The following RIT1 variants were observed in gnomAD, a reference collection of about 807,000 sequenced individuals.
RIT1 encodes the protein GTP-binding protein Rit1.
In RIT1, 6 loss-of-function variants were observed where a neutral mutation model predicts 25.6. The observed-to-expected ratio is 0.23, with a 90% CI of 0.13 to 0.46. RIT1 has a LOEUF of 0.46. Ranked by LOEUF, RIT1 falls within the 20% of genes least tolerant of loss-of-function variation. The pLI is 0.99. For synonymous variants in RIT1, 81 were observed against 94.1 expected, an observed-to-expected ratio of 0.86 and a Z score of 0.80; for missense variants, 219 against 284.4, an observed-to-expected ratio of 0.77 and a Z score of 1.65.
Position 155,904,518 on chromosome 1 carries a change from G to T in RIT1, c.238-16C>A. On this transcript the variant is annotated splice_polypyrimidine_tract_variant and intron_variant, in intron 4 of 5. Transcript: ENST00000368323. ...TAAACTCTGCCTAGAGGGAAACAAG[G>T]GTCATTATGTATTGACGCAATCTAG... 6.2e-7 allele frequency: 1 copy of T among 1,604,336 alleles called. No homozygotes were observed. The highest frequency in any genetic ancestry group is 8.5e-7 in the Non-Finnish European group (1 of 1,172,172).
In RIT1 at chr1:155,904,554, C is replaced by T. The variant is rs11809798; in HGVS notation, c.238-52G>A. ...ATTGACGCAATCTAGCCCAACTACA[C>T]ACACAATTAGCTATTTCTTTCAGAT... On this transcript the variant is annotated intron_variant, in intron 4 of 5. Coordinates refer to ENST00000368323, the MANE Select transcript of RIT1 (RefSeq NM_006912.6). 11 of 1,490,494 alleles carry T rather than the reference C, an allele frequency of 7.4e-6. No individual in the cohort carries two copies. The African/African-American group carries it at 1.2e-4, about 17-fold the overall frequency. 92.3% of individuals were successfully genotyped at this position (1,490,494 alleles called of 1,614,324 possible).
At chr1:155,900,721 T>C in intron 5 of RIT1, 103 bp from the exon 6 acceptor site, 1 of 913,582 alleles carries the variant, frequency 1.1e-6, no homozygotes, top group Non-Finnish European at 1.7e-6. Flanking sequence ...TTCTCAATTC[T>C]GGAGGTGTTC....
At chr1:155,910,363 CAAAATAT>C in intron 3 of RIT1, 80 bp downstream of exon 3, 3 of 1,207,360 alleles carry the variant, frequency 2.5e-6, no homozygotes. Flanking sequence ...AAAAAAGCCT[CAAAATAT>C]AAATAGTTAG....
chr1:155,899,532 GT>G lies in RIT1; in HGVS notation c.*855del, dbSNP rs1673264779. ...TGAATATAAATGTGTTGGTGTGTGC[GT>G]CTGTGGGGAAAAAATAAACCTGTAC... is the stretch of plus-strand genomic sequence containing the variant. On this transcript the variant is annotated 3_prime_UTR_variant, in exon 6 of 6. Transcript: ENST00000368323. The G allele has an allele frequency of 4.5e-6, 1 of 223,686 alleles. No individual in the cohort carries two copies. Among genetic ancestry groups the G allele is most frequent in the Non-Finnish European group, 8.9e-6 (1 of 111,956 alleles). The allele number at this position is 223,686 out of a possible 1,614,324, so 13.9% of individuals were successfully genotyped here.
chr1:155,899,374 A>T lies in RIT1; in HGVS notation c.*1014T>A, dbSNP rs1410688529. Reference sequence around the variant, plus strand: ...CTGAGTCTAGTGATTGTCCACGTCAAGGAGGCACACACACAATTTTACCCA... The same window carrying T: ...CTGAGTCTAGTGATTGTCCACGTCATGGAGGCACACACACAATTTTACCCA... On this transcript the variant is annotated 3_prime_UTR_variant, in exon 6 of 6. Transcript: ENST00000368323. The T allele has an allele frequency of 8.8e-6, 2 of 226,054 alleles. No individual in the cohort carries two copies. The highest frequency in any genetic ancestry group is 1.3e-4 in the East Asian group (2 of 15,806). 14.0% of individuals were successfully genotyped at this position (226,054 alleles called of 1,614,324 possible).
intron 3 of RIT1, among the ~76,000 whole-genome samples, chr1:155,908,751 T>TG (rs1673509511): frequency 6.6e-6 from 1 of 151,454 alleles, no homozygotes; most frequent in Middle Eastern, 3.4e-3. Context: ...TTAGTAGAGA[T>TG]GGGGTTTCAC....
rs892227210 is a variant in RIT1 at position 155,898,986 on chromosome 1, C to T, written c.*1402G>A. On this transcript the variant is annotated 3_prime_UTR_variant, in exon 6 of 6. Coordinates refer to ENST00000368323, the MANE Select transcript of RIT1 (RefSeq NM_006912.6). The stretch of plus-strand genomic sequence containing the variant: ...AAGAGGTGCTACACAAGTCATCTTA[C>T]GTTTCTAGTCAACACAAACATTGCT... The T allele has an allele frequency of 1.9e-5, 4 of 212,200 alleles. No individual in the cohort carries two copies. Among genetic ancestry groups the T allele is most frequent in the Non-Finnish European group, 2.9e-5 (3 of 104,778 alleles). The allele number at this position is 212,200 out of a possible 1,614,324, so 13.1% of individuals were successfully genotyped here.
At position 155,910,511 on chromosome 1, in the gene RIT1, A is replaced by C. The variant is rs1571999354; in HGVS notation, c.107-5T>G. On this transcript the variant is annotated splice_polypyrimidine_tract_variant and splice_region_variant and intron_variant, in intron 2 of 5. Coordinates refer to ENST00000368323, the MANE Select transcript of RIT1 (RefSeq NM_006912.6). ...TGATGAACTGCATGGTCATGGCTTC[A>C]AAAGAAGAAATAAAAGTCAAATCCT... 3 of 1,614,140 alleles carry C rather than the reference A, an allele frequency of 1.9e-6. No individual in the cohort carries two copies. The highest frequency in any genetic ancestry group is 2.5e-6 in the Non-Finnish European group (3 of 1,179,958).
At position 155,898,489 on chromosome 1, in the gene RIT1, A is replaced by AT. The variant is rs1267260097; in HGVS notation, c.*1898dup. ...GGCAACATAGTGAAACCTCATCTCTATTTAAAAAAAAAAAAAAAAAAAAAA... is the reference window on the plus strand; with the variant it reads ...GGCAACATAGTGAAACCTCATCTCTATTTTAAAAAAAAAAAAAAAAAAAAAA... On this transcript the variant is annotated 3_prime_UTR_variant, in exon 6 of 6. Transcript: ENST00000368323. 6.7e-5 allele frequency: 6 copies of AT among 90,050 alleles called. No individual in the cohort carries two copies. The highest frequency in any genetic ancestry group is 2.3e-4 in the African/African-American group (5 of 22,158). The allele number at this position is 90,050 out of a possible 1,614,324, so 5.6% of individuals were successfully genotyped here.
At chr1:155,901,603 A>C (rs992792801) in intron 5 of RIT1, among the ~76,000 whole-genome samples, 1 of 151,890 alleles carries the variant, frequency 6.6e-6, no homozygotes, top group South Asian at 2.1e-4. Context: ...GCGGCACTGC[A>C]CTCCAGGTGT....
intron 3 of RIT1, among the ~76,000 whole-genome samples, chr1:155,906,057 G>A (rs1673432579): frequency 6.6e-6 from 1 of 152,022 alleles, no homozygotes. Flanking sequence ...TTGAACGCCT[G>A]ACCTCAAATG....
chr1:155,900,607 T>C lies in RIT1; in HGVS notation c.441A>G (p.Glu147=), dbSNP rs778896290. ...DLKQLRQVTK[E]EGLALAREFS... ...ATTCTCGGGCCAAGGCCAATCCTTC[T>C]TCCTTGGTGACCTTTAAGGGCAAAA... is the stretch of plus-strand genomic sequence containing the variant. The change falls in exon 6 of 6, where the codon GAA becomes GAG. Residue 147 remains glutamate, a synonymous_variant. Transcript: ENST00000368323. The C allele has an allele frequency of 6.8e-6, 11 of 1,613,966 alleles. No individual in the cohort carries two copies. The highest frequency in any genetic ancestry group is 8.5e-6 in the Non-Finnish European group (10 of 1,179,894).
In RIT1 at chr1:155,900,444, T is replaced by A. The variant is rs876657981; in HGVS notation, c.604A>T (p.Ser202Cys). 3.1e-6 allele frequency: 5 copies of A among 1,614,212 alleles called. No individual in the cohort carries two copies. The highest frequency in any genetic ancestry group is 1.1e-5 in the South Asian group (1 of 91,084). The change falls in exon 6 of 6, where the codon AGT becomes TGT. Residue 202 changes from serine to cysteine, a missense_variant. Ser to Cys is a moderately radical substitution (Grantham distance 112, BLOSUM62 -1). This residue lies in a region of RIT1 where 81 missense variants were observed against 83.8 expected (regional missense o/e 0.97). Transcript: ENST00000368323. Reference sequence around the variant, plus strand: ...GGTGATTTTAGCCTCTTCCATACACTGTTTTTGGGCTTAGATTTTTTCTCC... The same window carrying A: ...GGTGATTTTAGCCTCTTCCATACACAGTTTTTGGGCTTAGATTTTTTCTCC... The part of the protein sequence containing the change: ...AMEKKSKPKN[S>C]VWKRLKSPFR...
chr1:155,897,822 T>C lies in RIT1; in HGVS notation c.*2566A>G, dbSNP rs1389824805. The C allele has an allele frequency of 6.6e-6, 1 of 152,380 alleles. No homozygotes were observed. The highest frequency in any genetic ancestry group is 1.5e-5 in the Non-Finnish European group (1 of 68,046). The allele number at this position is 152,380 out of a possible 1,614,324, so 9.4% of individuals were successfully genotyped here. A position where few individuals can be genotyped will look rare whatever the true frequency, so the allele number is the denominator to read the frequency against. On this transcript the variant is annotated 3_prime_UTR_variant, in exon 6 of 6. Transcript: ENST00000368323. Reference sequence around the variant, plus strand: ...GAAAGCCCAAGTTGTTTAAAAGTTTTGTATTATGTCATACAAACTGTCTTC... The same window carrying C: ...GAAAGCCCAAGTTGTTTAAAAGTTTCGTATTATGTCATACAAACTGTCTTC...
intron 3 of RIT1, among the ~76,000 whole-genome samples, chr1:155,906,490 G>A (rs969542137): frequency 1.3e-5 from 2 of 152,244 alleles, no homozygotes; most frequent in Non-Finnish European, 2.9e-5. Context: ...GCCAGGCACA[G>A]TGGTTCATGC....
chr1:155,905,947 C>T (rs1673429734), intron 3 of RIT1, among the ~76,000 whole-genome samples: 1 of 152,086 alleles, frequency 6.6e-6, no homozygotes, highest in Admixed American at 6.6e-5. Flanking sequence ...CCTGCCTCAG[C>T]CTCCTGAGTA....
intron 1 of RIT1, 60 bp downstream of exon 1, chr1:155,911,183 C>T (rs1673592489): frequency 2.1e-6 from 1 of 483,432 alleles, no homozygotes; most frequent in South Asian, 2.5e-5. Context: ...CCCCATTCTC[C>T]TCCGAACCCC....
At position 155,900,281 on chromosome 1, in the gene RIT1, C is replaced by T; in HGVS notation, c.*107G>A. 1.3e-6 allele frequency: 1 copy of T among 762,370 alleles called. No individual in the cohort carries two copies. The highest frequency in any genetic ancestry group is 2.2e-6 in the Non-Finnish European group (1 of 451,612). 47.2% of individuals were successfully genotyped at this position (762,370 alleles called of 1,614,324 possible). On this transcript the variant is annotated 3_prime_UTR_variant, in exon 6 of 6. Coordinates refer to ENST00000368323, the MANE Select transcript of RIT1 (RefSeq NM_006912.6). ...TTAAAAACTCCTAGTAGGCATGTCC[C>T]TCTTATCAGTTAAGTGAAAGAGCAA...
intron 3 of RIT1, chr1:155,910,139 C>T (rs1261497035): frequency 3.7e-6 from 1 of 268,010 alleles, no homozygotes; most frequent in African/African-American, 2.3e-5. Flanking sequence ...AGTCTCAAGT[C>T]ATACCCTTAG....
Sources: gnomAD v4.1 joint callset for allele counts (sites outside exome capture counted in the v4.1 genomes callset) on GRCh38, gnomAD v4.1.1 for gene constraint, gnomAD v4.1.1 regional missense constraint, MANE v1.5 for transcripts, NCBI Gene and HGNC (gene_info 2026-07-23, HGNC 2026-07-21) for gene names.